Variants in KCNAB1 observed in about 807,000 individuals in gnomAD.
KCNAB1 encodes voltage-gated potassium channel subunit beta-1.
In KCNAB1, 35 loss-of-function variants were observed where a neutral mutation model predicts 64.6. That is an observed-to-expected ratio of 0.54 (90% CI 0.41 to 0.72). KCNAB1 has a LOEUF of 0.72. Ranked by LOEUF, KCNAB1 falls within the 30% of genes least tolerant of loss-of-function variation. The probability of loss-of-function intolerance (pLI) is 0.00; values close to 1 mark genes in which losing one functional copy is unlikely to be tolerated. For missense variants in KCNAB1, 401 were observed against 512.9 expected (o/e 0.78, Z 2.11); for synonymous variants, 177 against 183.8 (o/e 0.96, Z 0.30).
At chr3:156,291,714 T>C (rs1377843447) in intron 1 of KCNAB1, 8 of 1,431,452 alleles carry the variant, frequency 5.6e-6, no homozygotes, top group Non-Finnish European at 7.3e-6. Context: ...GACTCTTTCC[T>C]GCATCGCAGC....
chr3:156,485,718 G>A (rs183080014), intron 8 of KCNAB1, among the ~76,000 whole-genome samples: 4 of 151,956 alleles, frequency 2.6e-5, no homozygotes, highest in African/African-American at 7.2e-5. Flanking sequence ...TACCCAATAG[G>A]GAGTTTCTTA....
At chr3:156,379,088 C>A (rs1037672074) in intron 1 of KCNAB1, among the ~76,000 whole-genome samples, 1 of 152,230 alleles carries the variant, frequency 6.6e-6, no homozygotes, top group Non-Finnish European at 1.5e-5. Flanking sequence ...GCTGATTCAT[C>A]TGTTTTAATC....
intron 12 of KCNAB1, among the ~76,000 whole-genome samples, chr3:156,526,165 A>G (rs534767023): frequency 6.6e-6 from 1 of 152,348 alleles, no homozygotes; most frequent in Non-Finnish European, 1.5e-5. Context: ...CATGCTGTAC[A>G]GATTTGGAAC....
At chr3:156,343,838 A>G (rs1393225896) in intron 1 of KCNAB1, among the ~76,000 whole-genome samples, 1 of 152,264 alleles carries the variant, frequency 6.6e-6, no homozygotes, top group East Asian at 1.9e-4. Flanking sequence ...TAAAGAAAGC[A>G]AAGAACTTCT....
chr3:156,135,002 T>C (rs1198632319), intron 1 of KCNAB1, among the ~76,000 whole-genome samples: 1 of 151,544 alleles, frequency 6.6e-6, no homozygotes, highest in Non-Finnish European at 1.5e-5. Context: ...TCTTTTTTCT[T>C]TTTTTTTTCT....
chr3:156,242,343 ATGAG>A (rs1717208463), intron 1 of KCNAB1, among the ~76,000 whole-genome samples: 1 of 152,096 alleles, frequency 6.6e-6, no homozygotes, highest in Non-Finnish European at 1.5e-5. Context: ...ATTTGGTTAC[ATGAG>A]TAAGTTCTTT....
At chr3:156,260,594 A>G (rs1718374571) in intron 1 of KCNAB1, among the ~76,000 whole-genome samples, 1 of 152,194 alleles carries the variant, frequency 6.6e-6, no homozygotes, top group South Asian at 2.1e-4. Flanking sequence ...AGTTGCATGT[A>G]TCAGCAGTTC....
chr3:156,178,644 A>G (rs944108126), intron 1 of KCNAB1, among the ~76,000 whole-genome samples: 1 of 152,204 alleles, frequency 6.6e-6, no homozygotes. Context: ...TTGAGAACCT[A>G]CTTGGCATAT....
chr3:156,292,646 A>G (rs1576685717), intron 1 of KCNAB1, among the ~76,000 whole-genome samples: 1 of 152,032 alleles, frequency 6.6e-6, no homozygotes, highest in South Asian at 2.1e-4. Context: ...GGTTCAAGCG[A>G]TTCTCCTGCC....
chr3:156,305,189 T>G lies in KCNAB1; in HGVS notation c.276-116427T>G, dbSNP rs1417625440. On this transcript the variant is annotated intron_variant, in intron 1 of 13. Transcript: ENST00000490337. ...AATTACTATCCATTAAAATTGTCAT[T>G]AATATCAGTATTAGCATAGAATGGG... Among the ~76,000 whole-genome samples the G allele has an allele frequency of 1.6e-4, 24 of 152,190 alleles. 2 individuals carry two copies. Among genetic ancestry groups the G allele is most frequent in the Admixed American group, 1.6e-3 (24 of 15,290 alleles).
chr3:156,354,735 A>C (rs143777922), intron 1 of KCNAB1, among the ~76,000 whole-genome samples: 1,665 of 152,032 alleles, frequency 0.011, 20 homozygotes, highest in Non-Finnish European at 0.017. Context: ...AAAAAAAAAA[A>C]AAAAAAGGAA....
At chr3:156,471,841 G>A (rs1371648920) in intron 7 of KCNAB1, among the ~76,000 whole-genome samples, 1 of 152,204 alleles carries the variant, frequency 6.6e-6, no homozygotes, top group East Asian at 1.9e-4. Flanking sequence ...AGAGGAAAAA[G>A]CAGGAATATC....
chr3:156,537,953 C>A lies in KCNAB1; in HGVS notation c.*1206C>A. The A allele has an allele frequency of 6.6e-6, 1 of 152,150 alleles. No homozygotes were observed. The highest frequency in any genetic ancestry group is 1.9e-4 in the East Asian group (1 of 5,194). 9.4% of individuals were successfully genotyped at this position (152,150 alleles called of 1,614,324 possible). On this transcript the variant is annotated 3_prime_UTR_variant, in exon 14 of 14. Transcript: ENST00000490337. ...AAGAAAGAACTTCTGGTTCTATAATCATATTATATGCACTAAACTATATGC... is the reference window on the plus strand; with the variant it reads ...AAGAAAGAACTTCTGGTTCTATAATAATATTATATGCACTAAACTATATGC...
intron 1 of KCNAB1, among the ~76,000 whole-genome samples, chr3:156,386,684 T>G (rs897312915): frequency 1.3e-5 from 2 of 152,230 alleles, no homozygotes; most frequent in African/African-American, 2.4e-5. Flanking sequence ...TCAATATAAG[T>G]GTAAAATTAG....
intron 1 of KCNAB1, among the ~76,000 whole-genome samples, chr3:156,144,576 G>T (rs947101901): frequency 6.6e-6 from 1 of 152,194 alleles, no homozygotes; most frequent in Non-Finnish European, 1.5e-5. Context: ...AATGAGGAGG[G>T]ATGGATGAGG....
chr3:156,138,045 A>G (rs1428980156), intron 1 of KCNAB1, among the ~76,000 whole-genome samples: 3 of 151,958 alleles, frequency 2.0e-5, no homozygotes, highest in African/African-American at 7.3e-5. Context: ...CCTCTCCTCC[A>G]CTGAGAGCTC....
At chr3:156,289,314 G>A (rs187654738) in intron 1 of KCNAB1, among the ~76,000 whole-genome samples, 116 of 152,278 alleles carry the variant, frequency 7.6e-4, no homozygotes, top group Non-Finnish European at 1.5e-3. Context: ...GACCCCTCTA[G>A]ACGGATGATT....
intron 1 of KCNAB1, among the ~76,000 whole-genome samples, chr3:156,358,399 G>A (rs574134343): frequency 6.6e-6 from 1 of 152,190 alleles, no homozygotes; most frequent in Non-Finnish European, 1.5e-5. Context: ...TGTGCTCTGA[G>A]CCATGCTGAG....
At chr3:156,290,372 A>G (rs1720333808) in intron 1 of KCNAB1, among the ~76,000 whole-genome samples, 1 of 152,190 alleles carries the variant, frequency 6.6e-6, no homozygotes, top group South Asian at 2.1e-4. Context: ...TGACAGCAGT[A>G]TCTGTTGGGA....
Sources: gnomAD v4.1 joint callset for allele counts (sites outside exome capture counted in the v4.1 genomes callset) on GRCh38, gnomAD v4.1.1 for gene constraint, MANE v1.5 for transcripts, NCBI Gene and HGNC (gene_info 2026-07-23, HGNC 2026-07-21) for gene names.